LY96: variants seen among roughly 807,000 people sequenced by gnomAD.
The protein encoded by LY96 is lymphocyte antigen 96.
A neutral mutation model predicts 18.9 loss-of-function variants in LY96; 18 were observed. The observed-to-expected ratio is 0.95, with a 90% CI of 0.66 to 1.41. The LOEUF (loss-of-function observed/expected upper bound fraction) is 1.41. Among genes scored for constraint, LY96 ranks in the 40% most tolerant of loss-of-function variants. The probability of loss-of-function intolerance (pLI) is 0.00; values close to 1 mark genes in which losing one functional copy is unlikely to be tolerated. For missense variants in LY96, 175 were observed against 182.4 expected (o/e 0.96, Z 0.23); for synonymous variants, 66 against 62.6 (o/e 1.06, Z -0.26).
chr8:74,049,711 TGA>T, the LY96 span, among the ~76,000 whole-genome samples: 2 of 152,172 alleles, frequency 1.3e-5, no homozygotes, highest in African/African-American at 2.4e-5. Context: ...CAGCCTTCCA[TGA>T]GAGTTGGGAA....
chr8:74,035,019 G>T, the LY96 span, among the ~76,000 whole-genome samples: 2 of 152,062 alleles, frequency 1.3e-5, no homozygotes, highest in African/African-American at 4.8e-5. Context: ...AAGCCTCCTG[G>T]GTACAAAACT....
At chr8:74,040,422 C>T in the LY96 span, among the ~76,000 whole-genome samples, 1 of 152,098 alleles carries the variant, frequency 6.6e-6, no homozygotes, top group South Asian at 2.1e-4. Flanking sequence ...GACCAGTGTC[C>T]TAGAGAGTTT....
the LY96 span, among the ~76,000 whole-genome samples, chr8:74,096,574 C>G: frequency 1.3e-5 from 2 of 152,220 alleles, no homozygotes; most frequent in Non-Finnish European, 2.9e-5. Context: ...CCTGCTGACT[C>G]TCCTGCTCTA....
intron 3 of LY96, among the ~76,000 whole-genome samples, chr8:74,023,465 T>G (rs1816810038): frequency 6.6e-6 from 1 of 152,200 alleles, no homozygotes; most frequent in African/African-American, 2.4e-5. Context: ...AGAAAGGTAC[T>G]TGCTTGGACT....
At chr8:74,088,207 A>C in the LY96 span, among the ~76,000 whole-genome samples, 2 of 152,200 alleles carry the variant, frequency 1.3e-5, no homozygotes, top group African/African-American at 4.8e-5. Flanking sequence ...CCCTGCTCTC[A>C]GGACTCATGA....
intron 3 of LY96, 149 bp downstream of exon 3, chr8:74,010,278 A>G: frequency 3.0e-6 from 2 of 672,872 alleles, no homozygotes; most frequent in East Asian, 5.8e-5. Context: ...CTTAAATAAC[A>G]TTTTATAACT....
the LY96 span, among the ~76,000 whole-genome samples, chr8:74,051,890 A>C: frequency 6.6e-6 from 1 of 152,182 alleles, no homozygotes; most frequent in African/African-American, 2.4e-5. Context: ...CAGTTCATAC[A>C]TACTAAGACA....
chr8:74,018,630 G>T (rs1816694560), intron 3 of LY96, among the ~76,000 whole-genome samples: 1 of 152,168 alleles, frequency 6.6e-6, no homozygotes, highest in Non-Finnish European at 1.5e-5. Context: ...ATTCTTCTCA[G>T]CACCACATTG....
Position 73,997,063 on chromosome 8 carries a change from A to C in LY96, c.112+5509A>C, listed in dbSNP as rs185621797. Among the ~76,000 whole-genome samples the C allele has an allele frequency of 2.7e-3, 415 of 152,022 alleles. 1 individual carries two copies. Among genetic ancestry groups the C allele is most frequent in the African/African-American group, 9.6e-3 (397 of 41,468 alleles). ...CCTGGTCTGTATTTTTTTAGTAGAGACCAGGCTGATCTTGAACTCCTGATT... is the reference window on the plus strand; with the variant it reads ...CCTGGTCTGTATTTTTTTAGTAGAGCCCAGGCTGATCTTGAACTCCTGATT... On this transcript the variant is annotated intron_variant, in intron 1 of 4. Coordinates refer to ENST00000284818, the MANE Select transcript of LY96 (RefSeq NM_015364.5).
the LY96 span, among the ~76,000 whole-genome samples, chr8:74,081,135 T>C: frequency 6.9e-6 from 1 of 145,224 alleles, no homozygotes; most frequent in Non-Finnish European, 1.5e-5. Flanking sequence ...CCTTCCTTCC[T>C]TCCTTCCTTC....
At chr8:74,072,907 G>A in the LY96 span, among the ~76,000 whole-genome samples, 1 of 152,300 alleles carries the variant, frequency 6.6e-6, no homozygotes, top group Non-Finnish European at 1.5e-5. Flanking sequence ...GAGCAGAACT[G>A]CTAGCAGATA....
At chr8:74,064,822 G>A in the LY96 span, among the ~76,000 whole-genome samples, 9 of 152,184 alleles carry the variant, frequency 5.9e-5, no homozygotes, top group Admixed American at 2.6e-4. Flanking sequence ...GTAAATCACA[G>A]AAGAAGACAC....
chr8:74,059,780 G>T, the LY96 span, among the ~76,000 whole-genome samples: 1 of 152,122 alleles, frequency 6.6e-6, no homozygotes, highest in Non-Finnish European at 1.5e-5. Context: ...AAAATATTAG[G>T]CAAACAAGAC....
intron 1 of LY96, among the ~76,000 whole-genome samples, chr8:73,996,372 C>CCTTCCTTCCTTT (rs1816135382): frequency 5.5e-4 from 61 of 110,970 alleles, no homozygotes; most frequent in East Asian, 9.5e-4. Context: ...TTCCTTCATT[C>CCTTCCTTCCTTT]CTTTCTTTCT....
At chr8:74,014,396 A>C (rs1011955565) in intron 3 of LY96, among the ~76,000 whole-genome samples, 14 of 91,082 alleles carry the variant, frequency 1.5e-4, no homozygotes, top group African/African-American at 4.7e-4. Context: ...AAAAAAAAGA[A>C]AAAAAAAAAA....
chr8:74,014,968 A>G (rs1054003530), intron 3 of LY96, among the ~76,000 whole-genome samples: 6 of 152,152 alleles, frequency 3.9e-5, no homozygotes, highest in African/African-American at 1.4e-4. Context: ...GCACTTTGTG[A>G]GGCCAAGGGA....
downstream of LY96, among the ~76,000 whole-genome samples, chr8:74,033,874 T>C (rs574472240): frequency 2.0e-5 from 3 of 151,828 alleles, no homozygotes; most frequent in East Asian, 5.8e-4. Flanking sequence ...TAAGATTCGT[T>C]TCTTTCAAAA....
At chr8:74,068,986 G>A in the LY96 span, among the ~76,000 whole-genome samples, 1 of 152,022 alleles carries the variant, frequency 6.6e-6, no homozygotes, top group Non-Finnish European at 1.5e-5. Flanking sequence ...GTAGAGACAG[G>A]GTTTCACCAC....
the LY96 span, among the ~76,000 whole-genome samples, chr8:74,087,231 T>A: frequency 2.0e-5 from 3 of 152,164 alleles, no homozygotes; most frequent in Admixed American, 6.5e-5. Context: ...ATTACCTGTA[T>A]CGGAATCATC....
Sources: gnomAD v4.1 joint callset for allele counts (sites outside exome capture counted in the v4.1 genomes callset) on GRCh38, gnomAD v4.1.1 for gene constraint, MANE v1.5 for transcripts, NCBI Gene and HGNC (gene_info 2026-07-23, HGNC 2026-07-21) for gene names.